The following OR56A3 variants were observed in gnomAD, a reference collection of about 807,000 sequenced individuals.
OR56A3 encodes the protein olfactory receptor 56A3.
OR56A3 carries 23 observed loss-of-function variants against 17.5 expected under a neutral mutation model. The ratio of observed to expected loss-of-function variants is 1.32; its 90% CI spans 0.95 to 1.87. The LOEUF is 1.87. Among genes scored for constraint, OR56A3 ranks in the 40% most tolerant of loss-of-function variants. OR56A3 has a pLI of 0.00. For synonymous variants in OR56A3, 175 were observed against 150.6 expected, an observed-to-expected ratio of 1.16 and a Z score of -1.19; for missense variants, 366 against 380.1, an observed-to-expected ratio of 0.96 and a Z score of 0.31.
At chr11:5,991,717 C>T in the OR56A3 span, among the ~76,000 whole-genome samples, 3 of 152,170 alleles carry the variant, frequency 2.0e-5, no homozygotes, top group Non-Finnish European at 4.4e-5. Context: ...CCTCATTTTC[C>T]ACTGCTGAAT....
chr11:6,002,746 T>C, the OR56A3 span: 1 of 1,613,934 alleles, frequency 6.2e-7, no homozygotes, highest in African/African-American at 1.3e-5. Context: ...GCCAGGACCT[T>C]GGGGATGACG....
In OR56A3 at chr11:5,947,163, C is replaced by A. The variant is rs187674015; in HGVS notation, c.-36-148C>A. 1.1e-4 allele frequency: 68 copies of A among 606,742 alleles called. 1 individual carries two copies. The highest frequency in any genetic ancestry group is 5.5e-4 in the South Asian group (27 of 48,876). The allele number at this position is 606,742 out of a possible 1,614,324, so 37.6% of individuals were successfully genotyped here. On this transcript the variant is annotated intron_variant, in intron 2 of 2. Transcript: ENST00000641160. ...GTACTGTTTAAAGTGATAGGAATAC[C>A]CCAGTGACATGACACTGAGGAAAAA...
chr11:5,970,803 A>G, the OR56A3 span, among the ~76,000 whole-genome samples: 1 of 152,184 alleles, frequency 6.6e-6, no homozygotes, highest in Admixed American at 6.6e-5. Flanking sequence ...AATCCACTAT[A>G]AAATCTCTGA....
the OR56A3 span, chr11:5,967,547 T>G: frequency 1.3e-6 from 2 of 1,539,964 alleles, no homozygotes; most frequent in South Asian, 1.2e-5. Flanking sequence ...GCATTCATTT[T>G]ATTTTTTACA....
chr11:6,014,959 C>A, the OR56A3 span, among the ~76,000 whole-genome samples: 1 of 91,942 alleles, frequency 1.1e-5, no homozygotes, highest in African/African-American at 4.4e-5. Context: ...ACAAAGCATT[C>A]AAGATGCAGC....
At chr11:5,987,123 T>C in the OR56A3 span, 2 of 612,420 alleles carry the variant, frequency 3.3e-6, no homozygotes, top group Non-Finnish European at 5.7e-6. Flanking sequence ...TAGTTTTGTT[T>C]AGAGATAAGA....
At chr11:5,955,861 T>C (rs868401053), downstream of OR56A3, among the ~76,000 whole-genome samples, 6 of 152,368 alleles carry the variant, frequency 3.9e-5, no homozygotes, top group Middle Eastern at 3.4e-3. Context: ...GCAAGAATAA[T>C]TATTTGCCAT....
the OR56A3 span, among the ~76,000 whole-genome samples, chr11:5,972,543 C>T: frequency 0.27 from 40,480 of 151,982 alleles, 5,678 homozygotes; most frequent in East Asian, 0.46. Flanking sequence ...AGACTGCTTC[C>T]GAATCTAGAG....
the OR56A3 span, among the ~76,000 whole-genome samples, chr11:5,956,819 A>G: frequency 2.6e-5 from 4 of 152,186 alleles, no homozygotes; most frequent in African/African-American, 9.7e-5. Flanking sequence ...GCCTACACAT[A>G]TTTCTACACA....
chr11:6,002,767 G>T, the OR56A3 span: 1 of 1,613,916 alleles, frequency 6.2e-7, no homozygotes, highest in Non-Finnish European at 8.5e-7. Flanking sequence ...GTGAGGCAGA[G>T]CACGATGTCC....
chr11:5,946,031 A>C (rs939645044), intron 2 of OR56A3, among the ~76,000 whole-genome samples: 1 of 152,236 alleles, frequency 6.6e-6, no homozygotes, highest in Non-Finnish European at 1.5e-5. Flanking sequence ...TATGCACAAT[A>C]AAACTGCATG....
the OR56A3 span, chr11:6,003,020 C>A: frequency 1.2e-6 from 2 of 1,613,990 alleles, no homozygotes; most frequent in Non-Finnish European, 1.7e-6. Flanking sequence ...ATCTGGAGAC[C>A]CAGTGTACCT....
rs966220593 is a variant in OR56A3 at position 5,951,163 on chromosome 11, C to G, written c.*2869C>G. On this transcript the variant is annotated 3_prime_UTR_variant, in exon 3 of 3. Coordinates refer to ENST00000641160, the MANE Select transcript of OR56A3 (RefSeq NM_001003443.3). ...TAAGACATATGGTCCTGAAATCCCA[C>G]AGTGACAGACTTGAAGAAGAGTTAA... is the stretch of plus-strand genomic sequence containing the variant. 8.6e-5 allele frequency: 13 copies of G among 151,936 alleles called. No homozygotes were observed. The highest frequency in any genetic ancestry group is 1.3e-4 in the Admixed American group (2 of 15,262). 9.4% of individuals were successfully genotyped at this position (151,936 alleles called of 1,614,324 possible).
At chr11:5,960,940 C>G in the OR56A3 span, among the ~76,000 whole-genome samples, 1 of 151,782 alleles carries the variant, frequency 6.6e-6, no homozygotes, top group East Asian at 1.9e-4. Context: ...TGAGGAGTGT[C>G]TCTGCCTCAC....
intron 2 of OR56A3, among the ~76,000 whole-genome samples, chr11:5,945,868 C>T (rs1271214529): frequency 6.6e-6 from 1 of 152,098 alleles, no homozygotes; most frequent in African/African-American, 2.4e-5. Flanking sequence ...TATTAGTGAG[C>T]CAAAGTGTGA....
chr11:5,971,018 C>G, the OR56A3 span, among the ~76,000 whole-genome samples: 1 of 152,142 alleles, frequency 6.6e-6, no homozygotes, highest in South Asian at 2.1e-4. Flanking sequence ...AGGCAAGCCA[C>G]GAGGAGAAGC....
rs1847858576 is a variant in OR56A3 at position 5,944,830 on chromosome 11, A to G, written c.-289A>G. On this transcript the variant is annotated 5_prime_UTR_variant, in exon 2 of 3. Transcript: ENST00000641160. ...GGAGAAAAGAATTGGGAGAATATCT[A>G]AATCTCTTCTATATATGAGGTGAAG... 6.6e-6 allele frequency: 1 copy of G among 152,198 alleles called. No homozygotes were observed. Among genetic ancestry groups the G allele is most frequent in the South Asian group, 2.1e-4 (1 of 4,826 alleles). The allele number at this position is 152,198 out of a possible 1,614,324, so 9.4% of individuals were successfully genotyped here.
chr11:5,963,027 G>A, the OR56A3 span, among the ~76,000 whole-genome samples: 11,195 of 152,098 alleles, frequency 0.074, 748 homozygotes, highest in African/African-American at 0.18. Context: ...GTATTTCTGC[G>A]ATATCAGTTG....
chr11:5,975,899 A>G, the OR56A3 span, among the ~76,000 whole-genome samples: 1 of 151,980 alleles, frequency 6.6e-6, no homozygotes, highest in Non-Finnish European at 1.5e-5. Flanking sequence ...AACTTAAAGT[A>G]TAATAATAAT....
Sources: gnomAD v4.1 joint callset for allele counts (sites outside exome capture counted in the v4.1 genomes callset) on GRCh38, gnomAD v4.1.1 for gene constraint, MANE v1.5 for transcripts, NCBI Gene and HGNC (gene_info 2026-07-23, HGNC 2026-07-21) for gene names.